CYP3A43: variants seen among roughly 807,000 people sequenced by gnomAD.
CYP3A43 encodes the protein cytochrome P450 family 3 subfamily A member 43.
In CYP3A43, 45 loss-of-function variants were observed where a neutral mutation model predicts 58.0. That is an observed-to-expected ratio of 0.78 (90% confidence interval 0.61 to 0.99). The LOEUF (loss-of-function observed/expected upper bound fraction) is 0.99, where lower values mean the gene tolerates loss of function less well. CYP3A43 is among the 50% of genes least tolerant of loss of function. CYP3A43 has a pLI of 0.00. For missense variants in CYP3A43, 593 were observed against 591.9 expected (o/e 1.00, Z -0.02); for synonymous variants, 191 against 201.4 (o/e 0.95, Z 0.44).
chr7:99,859,697 C>T (rs962086246), intron 9 of CYP3A43, 133 bp from the exon 10 acceptor site: 51 of 1,136,672 alleles, frequency 4.5e-5, no homozygotes, highest in African/African-American at 4.0e-4. Context: ...TGAAGCCACC[C>T]GCAGTGTGAC....
chr7:99,835,990 G>A (rs1817059109), intron 1 of CYP3A43, among the ~76,000 whole-genome samples: 1 of 152,192 alleles, frequency 6.6e-6, no homozygotes, highest in Non-Finnish European at 1.5e-5. Flanking sequence ...CTTCGGCTGT[G>A]CATAGACTAG....
chr7:99,839,295 C>G, intron 3 of CYP3A43, 123 bp downstream of exon 3: 2 of 1,139,790 alleles, frequency 1.8e-6, no homozygotes, highest in Admixed American at 1.8e-5. Context: ...AAGTAACAAA[C>G]AGAGAGAGGC....
chr7:99,840,633 C>T (rs1817294113), intron 3 of CYP3A43, among the ~76,000 whole-genome samples: 1 of 152,194 alleles, frequency 6.6e-6, no homozygotes, highest in African/African-American at 2.4e-5. Context: ...ACTCTTTCCC[C>T]CCTTTTTTCC....
intron 11 of CYP3A43, among the ~76,000 whole-genome samples, chr7:99,862,895 T>G (rs1351233699): frequency 2.0e-5 from 3 of 152,166 alleles, no homozygotes; most frequent in Non-Finnish European, 4.4e-5. Context: ...CACTTCCACC[T>G]CCTGTGGCTG....
intron 5 of CYP3A43, 76 bp from the exon 6 acceptor site, chr7:99,848,090 G>C: frequency 1.4e-6 from 2 of 1,411,542 alleles, no homozygotes; most frequent in Non-Finnish European, 2.0e-6. Context: ...ATCATTTACT[G>C]TTCCATGCTG....
chr7:99,841,130 GCTTTT>G (rs1817314100), intron 3 of CYP3A43, among the ~76,000 whole-genome samples: 1 of 152,168 alleles, frequency 6.6e-6, no homozygotes, highest in African/African-American at 2.4e-5. Context: ...AGCCGATGTG[GCTTTT>G]CATTTTGGAA....
intron 6 of CYP3A43, 86 bp downstream of exon 6, chr7:99,848,340 C>T: frequency 7.2e-7 from 1 of 1,392,888 alleles, no homozygotes; most frequent in Non-Finnish European, 1.0e-6. Flanking sequence ...TGTTGGGTTA[C>T]TCCAGTGATC....
chr7:99,854,117 A>C (rs1817876000), intron 7 of CYP3A43, among the ~76,000 whole-genome samples: 1 of 151,946 alleles, frequency 6.6e-6, no homozygotes, highest in Non-Finnish European at 1.5e-5. Context: ...ATTCTTTCTA[A>C]CTATTTTTTG....
Position 99,839,127 on chromosome 7 carries a change from G to C in CYP3A43, c.173G>C (p.Trp58Ser), listed in dbSNP as rs760485242. Reference sequence around the variant, plus strand: ...TTTTGTTTCTTCTGCCAGGGTCTTTGGAATTTTGACAGAGAATGTAATGAA... The same window carrying C: ...TTTTGTTTCTTCTGCCAGGGTCTTTCGAATTTTGACAGAGAATGTAATGAA... ...GTILFYLRGL[W>S]NFDRECNEKY... The change falls in exon 3 of 13, where the codon TGG (tryptophan) becomes TCG (serine). Residue 58 changes from tryptophan to serine, a missense_variant. Physicochemically the swap from Trp to Ser is radical, Grantham distance 177. Transcript: ENST00000354829. 2.3e-5 allele frequency: 37 copies of C among 1,614,030 alleles called. No homozygotes were observed. Among genetic ancestry groups the C allele is most frequent in the Non-Finnish European group, 5.1e-6 (6 of 1,180,024 alleles).
chr7:99,832,994 A>G (rs1816909865), intron 1 of CYP3A43, among the ~76,000 whole-genome samples: 1 of 152,248 alleles, frequency 6.6e-6, no homozygotes, highest in African/African-American at 2.4e-5. Flanking sequence ...CTAAATAGAC[A>G]TACGTGAATG....
intron 3 of CYP3A43, 82 bp downstream of exon 3, chr7:99,839,254 G>C (rs554354455): frequency 6.5e-7 from 1 of 1,541,428 alleles, no homozygotes; most frequent in South Asian, 1.1e-5. Flanking sequence ...TCTCAGCCCA[G>C]ATTTTGTTTG....
chr7:99,859,079 G>A (rs897800149), intron 9 of CYP3A43, among the ~76,000 whole-genome samples: 64 of 152,164 alleles, frequency 4.2e-4, no homozygotes, highest in African/African-American at 1.5e-3. Context: ...TATATCCAGA[G>A]GTCATCCATT....
intron 9 of CYP3A43, among the ~76,000 whole-genome samples, chr7:99,858,550 A>T (rs1405505713): frequency 6.6e-6 from 1 of 152,084 alleles, no homozygotes; most frequent in Non-Finnish European, 1.5e-5. Context: ...ACTAAGGAAG[A>T]TGCTATTCGG....
At chr7:99,855,421 A>T in intron 7 of CYP3A43, 170 bp from the exon 8 acceptor site, 2 of 814,570 alleles carry the variant, frequency 2.5e-6, no homozygotes, top group South Asian at 3.9e-5. Flanking sequence ...AGCCATTGGC[A>T]TGGAAGAGGG....
At chr7:99,864,741 T>C (rs1171991287) in intron 12 of CYP3A43, among the ~76,000 whole-genome samples, 2 of 148,768 alleles carry the variant, frequency 1.3e-5, no homozygotes, top group Non-Finnish European at 2.9e-5. Flanking sequence ...TTCAGTTGAT[T>C]TGGAGTTCTT....
At chr7:99,853,416 T>A (rs1161261606) in intron 7 of CYP3A43, among the ~76,000 whole-genome samples, 1 of 151,858 alleles carries the variant, frequency 6.6e-6, no homozygotes, top group East Asian at 1.9e-4. Context: ...ATCCTTATGC[T>A]AATTTTTATT....
intron 3 of CYP3A43, chr7:99,839,426 C>A: frequency 1.5e-6 from 1 of 664,566 alleles, no homozygotes; most frequent in Non-Finnish European, 2.8e-6. Flanking sequence ...CCTAAACTCA[C>A]TATGACAAAG....
In CYP3A43 at chr7:99,856,925, T is replaced by C. The variant is rs1391274284; in HGVS notation, c.865+26T>C. ...GTAACCAAGAACTGCATCTGGGGGC[T>C]ACTGATGGGGACACTCAGAGAGAAG... On this transcript the variant is annotated intron_variant, in intron 9 of 12. Transcript: ENST00000354829. The C allele has an allele frequency of 1.3e-5, 21 of 1,606,232 alleles. No individual in the cohort carries two copies. In the Admixed American group the frequency reaches 3.6e-4, roughly 27 times the overall value.
chr7:99,863,778 T>G, intron 12 of CYP3A43, 79 bp downstream of exon 12: 2 of 1,171,530 alleles, frequency 1.7e-6, no homozygotes, highest in Non-Finnish European at 2.3e-6. Flanking sequence ...AAATTATTGT[T>G]CATTTTTCAA....
Sources: gnomAD v4.1 joint callset for allele counts (sites outside exome capture counted in the v4.1 genomes callset) on GRCh38, gnomAD v4.1.1 for gene constraint, MANE v1.5 for transcripts, NCBI Gene and HGNC (gene_info 2026-07-23, HGNC 2026-07-21) for gene names.